RYR1: variants seen among roughly 807,000 people sequenced by gnomAD.
RYR1 encodes the protein central core disease of muscle.
RYR1 carries 342 observed loss-of-function variants against 583.5 expected under a neutral mutation model. The observed-to-expected ratio is 0.59, with a 90% confidence interval of 0.54 to 0.64. RYR1 has a LOEUF of 0.64. Ranked by LOEUF, RYR1 falls within the 30% of genes least tolerant of loss-of-function variation. The pLI is 0.00. For missense variants in RYR1, 6,032 were observed against 6,917.2 expected (o/e 0.87, Z 4.54); for synonymous variants, 2,791 against 2,822.5 (o/e 0.99, Z 0.35).
At chr19:38,558,737 C>G (rs1201473875) in intron 89 of RYR1, among the ~76,000 whole-genome samples, 1 of 152,106 alleles carries the variant, frequency 6.6e-6, no homozygotes, top group Non-Finnish European at 1.5e-5. Context: ...CAAGATCACG[C>G]CACTGCACTC....
chr19:38,495,019 A>C (rs1366596416), intron 39 of RYR1, among the ~76,000 whole-genome samples: 6 of 151,764 alleles, frequency 4.0e-5, no homozygotes. Context: ...TACCAGGCTA[A>C]TTTTTTATAT....
chr19:38,475,690 A>G lies in RYR1; in HGVS notation c.4293+240A>G, dbSNP rs76402039. On this transcript the variant is annotated intron_variant, in intron 29 of 105. Coordinates refer to ENST00000359596, the MANE Select transcript of RYR1 (RefSeq NM_000540.3). ...GTAGAGGTGTACAGCACACTGATATAACTCCTGGGGATCCCCAAAGCCATG... is the reference window on the plus strand; with the variant it reads ...GTAGAGGTGTACAGCACACTGATATGACTCCTGGGGATCCCCAAAGCCATG... 0.028 allele frequency among the ~76,000 whole-genome samples: 4,248 copies of G among 152,294 alleles called. 187 individuals are homozygous for G. Among genetic ancestry groups the G allele is most frequent in the African/African-American group, 0.093 (3,844 of 41,546 alleles).
intron 99 of RYR1, 141 bp downstream of exon 99, chr19:38,578,345 C>G: frequency 1.3e-6 from 1 of 767,836 alleles, no homozygotes; most frequent in Non-Finnish European, 2.2e-6. Flanking sequence ...CTTATCCACA[C>G]AAGGCTCCTT....
chr19:38,553,334 C>CAAA (rs566497167), intron 89 of RYR1, among the ~76,000 whole-genome samples: 1 of 80,950 alleles, frequency 1.2e-5, no homozygotes, highest in Non-Finnish European at 2.5e-5. Context: ...GACTCCATAT[C>CAAA]AAAAAAAAAA....
In RYR1 at chr19:38,543,460, G is replaced by T. The variant is rs780888456; in HGVS notation, c.11778+25G>T. ...GGTGAGGACGTGAGACGGTTCAGGT[G>T]TGACTTGGGTCGGGGGCTGCAGGGC... On this transcript the variant is annotated intron_variant, in intron 85 of 105. Coordinates refer to ENST00000359596, the MANE Select transcript of RYR1 (RefSeq NM_000540.3). This position sits in a 1 kb window ranked among gnomAD's most constrained non-coding sequence, Gnocchi z 4.4. The T allele has an allele frequency of 1.4e-5, 23 of 1,614,104 alleles. No individual in the cohort carries two copies. The East Asian group carries it at 4.7e-4, about 33-fold the overall frequency.
chr19:38,571,942 T>G (rs1973733006), intron 94 of RYR1, 77 bp from the exon 95 acceptor site: 3 of 1,602,764 alleles, frequency 1.9e-6, no homozygotes, highest in Non-Finnish European at 2.6e-6. Context: ...CAGTCCAATC[T>G]CGGGAATGGA....
chr19:38,525,325 C>A lies in RYR1; in HGVS notation c.10456-7C>A, dbSNP rs777130966. On this transcript the variant is annotated splice_region_variant and splice_polypyrimidine_tract_variant and intron_variant, in intron 70 of 105. Transcript: ENST00000359596. ...TTGGGCTGGTGCTGAGCCCTGTGTC[C>A]CCACAGTCCGGTGGCTCGGACCAGG... The A allele has an allele frequency of 3.1e-6, 5 of 1,613,852 alleles. No individual in the cohort carries two copies. The South Asian group carries it at 3.3e-5, about 11-fold the overall frequency.
intron 49 of RYR1, 129 bp downstream of exon 49, chr19:38,503,099 T>TCC (rs1970273940): frequency 1.2e-6 from 1 of 860,718 alleles, no homozygotes; most frequent in Non-Finnish European, 1.9e-6. Flanking sequence ...TAGGGCAGCG[T>TCC]CCCCGTAGAA....
intron 60 of RYR1, among the ~76,000 whole-genome samples, chr19:38,510,991 C>G (rs1384877127): frequency 1.3e-5 from 2 of 152,174 alleles, no homozygotes; most frequent in East Asian, 1.9e-4. Flanking sequence ...AATCGATCAC[C>G]CTGTCCAGGA....
intron 92 of RYR1, 73 bp downstream of exon 92, chr19:38,567,060 C>G: frequency 6.5e-7 from 1 of 1,546,398 alleles, no homozygotes; most frequent in Non-Finnish European, 8.7e-7. Context: ...CTCCAGAGGT[C>G]AGGCCCCAAG....
At position 38,561,621 on chromosome 19, in the gene RYR1, C is replaced by G. The variant is rs949305325; in HGVS notation, c.12624+167C>G. Among the ~76,000 whole-genome samples the G allele has an allele frequency of 6.6e-6, 1 of 152,236 alleles. No homozygotes were observed. The highest frequency in any genetic ancestry group is 1.5e-5 in the Non-Finnish European group (1 of 68,040). ...TGTACACATTTCGTCCAGCTGCGCC[C>G]TTGCACATCCCTGGCTCGCCCCTGG... is the stretch of plus-strand genomic sequence containing the variant. On this transcript the variant is annotated intron_variant, in intron 90 of 105. Transcript: ENST00000359596. The surrounding 1 kb of genome is among the most constrained non-coding windows in gnomAD (Gnocchi z 4.8).
rs200581343 is a variant in RYR1, at chr19:38,486,224, C to T, written c.5547+22C>T. 645 of 1,612,576 alleles carry T rather than the reference C, an allele frequency of 4.0e-4. 2 individuals carry two copies. Among genetic ancestry groups the T allele is most frequent in the Non-Finnish European group, 2.5e-4 (298 of 1,179,948 alleles). ...GCTGGTAATGGCTTCCTCCTGCTTTCCTCTGTCCCATTCTTCTCCCACATT... is the reference window on the plus strand; with the variant it reads ...GCTGGTAATGGCTTCCTCCTGCTTTTCTCTGTCCCATTCTTCTCCCACATT... On this transcript the variant is annotated intron_variant, in intron 34 of 105. Transcript: ENST00000359596.
chr19:38,577,116 C>T (rs1020958013), intron 97 of RYR1, among the ~76,000 whole-genome samples: 18 of 152,002 alleles, frequency 1.2e-4, no homozygotes, highest in Non-Finnish European at 1.5e-4. Context: ...GAACTCCTGA[C>T]CTCAGGTGAT....
At chr19:38,505,220 C>G (rs932020272) in intron 52 of RYR1, 89 bp from the exon 53 acceptor site, 4 of 1,181,292 alleles carry the variant, frequency 3.4e-6, no homozygotes, top group Non-Finnish European at 5.0e-6. Context: ...GGGACCCCCC[C>G]AGGATTCTCT....
rs112461316 is a variant in RYR1, at chr19:38,466,867, G to A, written c.3178+469G>A. Among the ~76,000 whole-genome samples, 48 of 152,182 alleles carry A rather than the reference G, an allele frequency of 3.2e-4. 4 individuals carry two copies. The highest frequency in any genetic ancestry group is 1.1e-3 in the African/African-American group (45 of 41,512). On this transcript the variant is annotated intron_variant, in intron 24 of 105. Coordinates refer to ENST00000359596, the MANE Select transcript of RYR1 (RefSeq NM_000540.3). ...GGTCAGAAAGGACTGACCCCTCCCC[G>A]AAACTCTGAGCCTTACCCCAGTTCC...
chr19:38,571,996 A>G, intron 94 of RYR1, 23 bp from the exon 95 acceptor site: 1 of 1,613,758 alleles, frequency 6.2e-7, no homozygotes. Context: ...AGACCCACAG[A>G]TGAATCTCTG....
chr19:38,438,640 A>ATTTTT (rs1972533771), intron 1 of RYR1, among the ~76,000 whole-genome samples: 1 of 65,496 alleles, frequency 1.5e-5, no homozygotes, highest in Non-Finnish European at 2.9e-5. Flanking sequence ...TTTTTTTGAG[A>ATTTTT]TGGAGTCTCG....
At position 38,463,783 on chromosome 19, in the gene RYR1, G is replaced by C. The variant is rs1404260087; in HGVS notation, c.2719G>C (p.Val907Leu). 20 of 1,614,126 alleles carry C rather than the reference G, an allele frequency of 1.2e-5. No homozygotes were observed. The highest frequency in any genetic ancestry group is 1.6e-5 in the Non-Finnish European group (19 of 1,180,030). ...DDNKRLHPCLVDFHSLPEPER... is the reference protein window; with the variant it reads ...DDNKRLHPCLLDFHSLPEPER... ...CAACAAGAGGCTGCACCCGTGTCTT[G>C]TGGACTTCCACAGCCTTCCAGAGCC... The change falls in exon 22 of 106, where the codon GTG becomes CTG. Residue 907 changes from valine (V) to leucine (L), a missense_variant. Val to Leu is a conservative substitution (Grantham distance 32). This residue lies in a region of RYR1 where 2,627 missense variants were observed against 2,961.3 expected (regional missense o/e 0.89). Transcript: ENST00000359596.
intron 99 of RYR1, among the ~76,000 whole-genome samples, chr19:38,579,541 G>T (rs1442842454): frequency 6.8e-6 from 1 of 147,694 alleles, no homozygotes; most frequent in Non-Finnish European, 1.5e-5. Flanking sequence ...AGTGAGCTGA[G>T]ATTGCGCCAT....
Sources: gnomAD v4.1 joint callset for allele counts (sites outside exome capture counted in the v4.1 genomes callset) on GRCh38, gnomAD v4.1.1 for gene constraint, gnomAD v4.1.1 regional missense constraint, Gnocchi (gnomAD v3.1) non-coding constraint, MANE v1.5 for transcripts, NCBI Gene and HGNC (gene_info 2026-07-23, HGNC 2026-07-21) for gene names.